Variants in CD53 observed in about 807,000 individuals in gnomAD.
CD53 encodes leukocyte surface antigen CD53.
Under a neutral mutation model 27.3 loss-of-function variants are expected in CD53, and 20 were observed. The observed-to-expected ratio is 0.73, with a 90% CI of 0.52 to 1.07. CD53 has a LOEUF of 1.07. Among genes scored for constraint, CD53 ranks in the 50% least tolerant of loss-of-function variants. The pLI is 0.00. For synonymous variants in CD53, 106 were observed against 105.3 expected, an observed-to-expected ratio of 1.01 and a Z score of -0.04; for missense variants, 216 against 264.0, an observed-to-expected ratio of 0.82 and a Z score of 1.26.
At chr1:110,892,277 G>C in intron 2 of CD53, 68 bp from the exon 3 acceptor site, 1 of 1,056,258 alleles carries the variant, frequency 9.5e-7, no homozygotes, top group Admixed American at 1.7e-5. Context: ...TCTCAAGGAA[G>C]TGAGAATATG....
intron 1 of CD53, among the ~76,000 whole-genome samples, chr1:110,878,352 A>C (rs1656207495): frequency 6.6e-6 from 1 of 152,202 alleles, no homozygotes; most frequent in Non-Finnish European, 1.5e-5. Flanking sequence ...AAAGACTGCC[A>C]CAGGCTCTGT....
Position 110,898,519 on chromosome 1 carries a change from G to A in CD53, c.589-605G>A, listed in dbSNP as rs560520273. Among the ~76,000 whole-genome samples the A allele has an allele frequency of 2.3e-4, 35 of 152,032 alleles. No homozygotes were observed. In the South Asian group the frequency reaches 5.2e-3, roughly 23 times the overall value. ...CCTCCTCAGCTGGTCTGAAAAATAC[G>A]AATTGATAAAGTATTTCATTTGAAA... On this transcript the variant is annotated intron_variant, in intron 7 of 7. Transcript: ENST00000271324.
chr1:110,897,817 T>A lies in CD53; in HGVS notation c.513T>A (p.Tyr171Ter), dbSNP rs769906141. The A allele has an allele frequency of 6.2e-7, 1 of 1,604,780 alleles. No homozygotes were observed. ...ACTGAAATGTCTTCTAGGGTTGCTA[T>A]GCGAAAGCAAGACTGTGGTTTCATT... The part of the protein sequence containing the change: ...CPSDRKVEGC[Y>*]AKARLWFHSN... The change falls in exon 7 of 8, where the codon TAT (tyrosine) becomes TAA (stop). Residue 171 changes from tyrosine (Y) to a stop codon, truncating the protein, a stop_gained. Coordinates refer to ENST00000271324, the MANE Select transcript of CD53 (RefSeq NM_000560.4). LOFTEE classifies it high-confidence loss of function.
chr1:110,874,044 G>A (rs1656041985), intron 1 of CD53, among the ~76,000 whole-genome samples: 1 of 152,198 alleles, frequency 6.6e-6, no homozygotes, highest in Admixed American at 6.5e-5. Context: ...CAAAGTGTTA[G>A]CAGAGCTTCG....
intron 7 of CD53, among the ~76,000 whole-genome samples, chr1:110,898,718 G>A (rs1284860996): frequency 6.6e-6 from 1 of 151,758 alleles, no homozygotes; most frequent in Admixed American, 6.6e-5. Context: ...AAAGTGTTGG[G>A]TATATCATAG....
upstream of CD53, among the ~76,000 whole-genome samples, chr1:110,871,252 T>G (rs1369443941): frequency 6.6e-6 from 1 of 152,172 alleles, no homozygotes; most frequent in Admixed American, 6.5e-5. Context: ...TGGGATCCTG[T>G]AACACAGGTA....
intron 1 of CD53, among the ~76,000 whole-genome samples, chr1:110,883,347 C>T (rs12122718): frequency 0.72 from 108,622 of 151,766 alleles, 41,255 homozygotes; most frequent in Non-Finnish European, 0.84. Context: ...ATTAATATGA[C>T]TAATTAAGTA....
At chr1:110,883,933 GT>G (rs1215167341) in intron 1 of CD53, among the ~76,000 whole-genome samples, 2 of 151,824 alleles carry the variant, frequency 1.3e-5, no homozygotes, top group African/African-American at 4.8e-5. Context: ...TTGATTACCT[GT>G]GTATAAGTTT....
At chr1:110,887,050 C>T (rs1265957022) in intron 1 of CD53, among the ~76,000 whole-genome samples, 1 of 91,084 alleles carries the variant, frequency 1.1e-5, no homozygotes. Flanking sequence ...TTCCATGTCT[C>T]TATTTATGTT....
rs575755699 is a variant in CD53, at chr1:110,887,505, T to C, written c.-17-3887T>C. ...TTTTGAGTGAATCTATGTGTAAATT[T>C]TACTTTGTTGGGTGCTAAATATTTG... On this transcript the variant is annotated intron_variant, in intron 1 of 7. Coordinates refer to ENST00000271324, the MANE Select transcript of CD53 (RefSeq NM_000560.4). 4.4e-4 allele frequency among the ~76,000 whole-genome samples: 67 copies of C among 152,384 alleles called. 1 individual carries two copies. The South Asian group carries it at 8.1e-3, about 18-fold the overall frequency.
intron 1 of CD53, among the ~76,000 whole-genome samples, chr1:110,886,869 A>T (rs12049024): frequency 0.12 from 9,857 of 82,524 alleles, 625 homozygotes; most frequent in East Asian, 0.19. Flanking sequence ...ATATATATAT[A>T]TTTTTTTTTT....
At chr1:110,896,540 T>C in intron 5 of CD53, 113 bp from the exon 6 acceptor site, 2 of 937,176 alleles carry the variant, frequency 2.1e-6, no homozygotes, top group Non-Finnish European at 3.4e-6. Context: ...AGACCAATTC[T>C]GGACTTCTGC....
intron 1 of CD53, among the ~76,000 whole-genome samples, chr1:110,890,425 G>T (rs192922533): frequency 6.6e-6 from 1 of 152,100 alleles, no homozygotes; most frequent in African/African-American, 2.4e-5. Context: ...AAATTATCCG[G>T]GCATGATGGT....
In CD53 at chr1:110,896,826, A is replaced by G; in HGVS notation, c.504+93A>G. On this transcript the variant is annotated intron_variant, in intron 6 of 7. Coordinates refer to ENST00000271324, the MANE Select transcript of CD53 (RefSeq NM_000560.4). ...CAGTCATAGAGGACCTAGACCTTCTATTGAGAAACAGGGGACCTTGAATAA... is the reference window on the plus strand; with the variant it reads ...CAGTCATAGAGGACCTAGACCTTCTGTTGAGAAACAGGGGACCTTGAATAA... 5 of 1,049,964 alleles carry G rather than the reference A, an allele frequency of 4.8e-6. No individual in the cohort carries two copies. The African/African-American group carries it at 4.8e-5, about 10-fold the overall frequency. The allele number at this position is 1,049,964 out of a possible 1,614,324, so 65.0% of individuals were successfully genotyped here. A position where few individuals can be genotyped will look rare whatever the true frequency, so the allele number is the denominator to read the frequency against.
chr1:110,892,296 C>A, intron 2 of CD53, 49 bp from the exon 3 acceptor site: 1 of 1,360,172 alleles, frequency 7.4e-7, no homozygotes. Flanking sequence ...TGAGGAGATA[C>A]CCAAGAACCA....
chr1:110,897,866 A>G lies in CD53; in HGVS notation c.562A>G (p.Ile188Val), dbSNP rs753131071. 5 of 1,611,244 alleles carry G rather than the reference A, an allele frequency of 3.1e-6. No individual in the cohort carries two copies. In the East Asian group the frequency reaches 1.1e-4, roughly 36 times the overall value. The change falls in exon 7 of 8, where the codon ATC (isoleucine) becomes GTC (valine). Residue 188 changes from isoleucine to valine, a missense_variant. Transcript: ENST00000271324. ...FHSNFLYIGI[I>V]TICVCVIEVL... The stretch of plus-strand genomic sequence containing the variant: ...TTCCAATTTCCTGTATATCGGAATC[A>G]TCACCATCTGTGTATGTGTGATTGA...
rs1421149210 is a variant in CD53 at position 110,899,846 on chromosome 1, G to C, written c.*651G>C. 6.6e-6 allele frequency: 1 copy of C among 152,516 alleles called. No homozygotes were observed. The highest frequency in any genetic ancestry group is 1.9e-4 in the East Asian group (1 of 5,198). The allele number at this position is 152,516 out of a possible 1,614,324, so 9.4% of individuals were successfully genotyped here. A position where few individuals can be genotyped will look rare whatever the true frequency, so the allele number is the denominator to read the frequency against. On this transcript the variant is annotated 3_prime_UTR_variant, in exon 8 of 8. Coordinates refer to ENST00000271324, the MANE Select transcript of CD53 (RefSeq NM_000560.4). ...TGATAATCACAGTAAGAAGACTTCTGGTATTATCTCTCTATCAGATAAGAT... is the reference window on the plus strand; with the variant it reads ...TGATAATCACAGTAAGAAGACTTCTCGTATTATCTCTCTATCAGATAAGAT...
At position 110,899,281 on chromosome 1, in the gene CD53, CA is replaced by C; in HGVS notation, c.*87del. The C allele has an allele frequency of 1.1e-6, 1 of 914,400 alleles. No individual in the cohort carries two copies. 56.6% of individuals were successfully genotyped at this position (914,400 alleles called of 1,614,324 possible). A position where few individuals can be genotyped will look rare whatever the true frequency, so the allele number is the denominator to read the frequency against. On this transcript the variant is annotated 3_prime_UTR_variant, in exon 8 of 8. Coordinates refer to ENST00000271324, the MANE Select transcript of CD53 (RefSeq NM_000560.4). ...AGCATGAAGCCCTACATGATCACTG[CA>C]GGATGATCCTCCTCCCATCCTTTCC...
At chr1:110,896,780 G>A in intron 6 of CD53, 47 bp downstream of exon 6, 3 of 1,518,620 alleles carry the variant, frequency 2.0e-6, no homozygotes, top group Non-Finnish European at 1.8e-6. Context: ...TTGTTTAAAT[G>A]TTTAATTACC....
Sources: allele counts gnomAD v4.1 joint callset (sites outside exome capture counted in the v4.1 genomes callset), GRCh38; gene constraint gnomAD v4.1.1; transcripts MANE v1.5; gene names NCBI Gene and HGNC (gene_info 2026-07-23, HGNC 2026-07-21).